Variants in SSR1 observed in about 807,000 individuals in gnomAD.
SSR1 encodes signal sequence receptor subunit 1.
A neutral mutation model predicts 36.1 loss-of-function variants in SSR1; 13 were observed. The observed-to-expected ratio is 0.36, with a 90% confidence interval of 0.23 to 0.57. The LOEUF (loss-of-function observed/expected upper bound fraction) is 0.57. Among genes scored for constraint, SSR1 ranks in the 20% least tolerant of loss-of-function variants. The pLI is 0.81. For missense variants in SSR1, 291 were observed against 338.5 expected (o/e 0.86, Z 1.10); for synonymous variants, 113 against 118.9 (o/e 0.95, Z 0.32).
At chr6:7,296,345 C>T (rs1757793922) in intron 6 of SSR1, among the ~76,000 whole-genome samples, 1 of 152,106 alleles carries the variant, frequency 6.6e-6, no homozygotes, top group African/African-American at 2.4e-5. Context: ...AATGGAGATG[C>T]AGTTATACCT....
intron 3 of SSR1, 85 bp downstream of exon 3, chr6:7,303,465 C>T: frequency 3.5e-6 from 3 of 852,332 alleles, no homozygotes; most frequent in Admixed American, 2.3e-5. Context: ...TATTACTTTA[C>T]AGATATGGGT....
In SSR1 at chr6:7,313,167, C is replaced by A; in HGVS notation, c.-47G>T. ...AGTTTCCGTCGGCTAAGGCTCTCGG[C>A]GGCTCCGGCGGTAATGGCGTTACTC... On this transcript the variant is annotated 5_prime_UTR_variant, in exon 1 of 8. Transcript: ENST00000244763. The A allele has an allele frequency of 6.5e-7, 1 of 1,533,664 alleles. No homozygotes were observed. The highest frequency in any genetic ancestry group is 8.8e-7 in the Non-Finnish European group (1 of 1,131,818).
chr6:7,302,474 C>T (rs536359556), intron 3 of SSR1, among the ~76,000 whole-genome samples: 1 of 152,268 alleles, frequency 6.6e-6, no homozygotes, highest in African/African-American at 2.4e-5. Flanking sequence ...TTTAATAAAA[C>T]CTAGGCACTG....
In SSR1 at chr6:7,310,650, C is replaced by A. The variant is rs555872319; in HGVS notation, c.80-621G>T. 3.9e-5 allele frequency among the ~76,000 whole-genome samples: 6 copies of A among 152,330 alleles called. No individual in the cohort carries two copies. The South Asian group carries it at 1.2e-3, about 32-fold the overall frequency. On this transcript the variant is annotated intron_variant, in intron 1 of 7. Transcript: ENST00000244763. The stretch of plus-strand genomic sequence containing the variant: ...TTCTTGGCCGGCGCGGTGGCTCACG[C>A]CTGTAATCCCAGCACTTTAGAAGGC...
At chr6:7,309,275 T>G (rs138038641) in intron 2 of SSR1, among the ~76,000 whole-genome samples, 1 of 152,048 alleles carries the variant, frequency 6.6e-6, no homozygotes, top group African/African-American at 2.4e-5. Flanking sequence ...CTGGGCAACA[T>G]AGCAAGACCC....
At position 7,285,908 on chromosome 6, in the gene SSR1, A is replaced by G. The variant is rs1457392115; in HGVS notation, c.*3956T>C. On this transcript the variant is annotated 3_prime_UTR_variant, in exon 8 of 8. Transcript: ENST00000244763. This position sits in a 1 kb window ranked among gnomAD's most constrained non-coding sequence, Gnocchi z 4.1. ...GGAGACATTTAAAGGTATGTCATTAACAGAAATTTAAAAGGGTATTGTGGG... is the reference window on the plus strand; with the variant it reads ...GGAGACATTTAAAGGTATGTCATTAGCAGAAATTTAAAAGGGTATTGTGGG... 6.6e-6 allele frequency: 1 copy of G among 152,218 alleles called. No homozygotes were observed. Among genetic ancestry groups the G allele is most frequent in the African/African-American group, 2.4e-5 (1 of 41,456 alleles). The allele number at this position is 152,218 out of a possible 1,614,324, so 9.4% of individuals were successfully genotyped here.
chr6:7,302,008 G>T (rs904294100), intron 3 of SSR1, among the ~76,000 whole-genome samples: 1 of 152,114 alleles, frequency 6.6e-6, no homozygotes, highest in East Asian at 1.9e-4. Context: ...CTGTTAGAAC[G>T]TAAAAATTAA....
Position 7,313,189 on chromosome 6 carries a change from A to T in SSR1, c.-69T>A. The T allele has an allele frequency of 2.1e-6, 3 of 1,432,460 alleles. No individual in the cohort carries two copies. The highest frequency in any genetic ancestry group is 2.8e-6 in the Non-Finnish European group (3 of 1,057,576). The allele number at this position is 1,432,460 out of a possible 1,614,324, so 88.7% of individuals were successfully genotyped here. On this transcript the variant is annotated 5_prime_UTR_variant, in exon 1 of 8. Transcript: ENST00000244763. ...CGGCGGCTCCGGCGGTAATGGCGTT[A>T]CTCTTCATCCGGGCTCCGGGCAGCG...
At chr6:7,310,063 T>G (rs1469159683) in intron 1 of SSR1, 34 bp from the exon 2 acceptor site, 1 of 1,555,972 alleles carries the variant, frequency 6.4e-7, no homozygotes, top group South Asian at 1.1e-5. Context: ...CAGTTACCCT[T>G]TACTCTGAAA....
rs1757459926 is a variant in SSR1, at chr6:7,282,907, A to G, written c.*6957T>C. On this transcript the variant is annotated 3_prime_UTR_variant, in exon 8 of 8. Transcript: ENST00000244763. ...GGCCTTAAAATGCATTCACTCTAAT[A>G]AACTGCTCTGTAGAATTCAAGGGAA... The G allele has an allele frequency of 6.6e-6, 1 of 152,222 alleles. No homozygotes were observed. The highest frequency in any genetic ancestry group is 2.1e-4 in the South Asian group (1 of 4,834). 9.4% of individuals were successfully genotyped at this position (152,222 alleles called of 1,614,324 possible). A position where few individuals can be genotyped will look rare whatever the true frequency, so the allele number is the denominator to read the frequency against.
intron 2 of SSR1, among the ~76,000 whole-genome samples, chr6:7,308,317 G>A (rs1758115232): frequency 6.6e-6 from 1 of 152,056 alleles, no homozygotes; most frequent in Admixed American, 6.5e-5. Flanking sequence ...CAACAGATTT[G>A]CTTAGTTGGA....
rs560062502 is a variant in SSR1 at position 7,295,584 on chromosome 6, G to A, written c.700-99C>T. 65 of 828,472 alleles carry A rather than the reference G, an allele frequency of 7.8e-5. No homozygotes were observed. In the African/African-American group the frequency reaches 1.0e-3, roughly 13 times the overall value. The allele number at this position is 828,472 out of a possible 1,614,324, so 51.3% of individuals were successfully genotyped here. ...GAGGTCTTGCTATGTTGCCCAGGCT[G>A]CCTGGAACTCCTGGGCTCAAGCAAT... On this transcript the variant is annotated intron_variant, in intron 6 of 7. Coordinates refer to ENST00000244763, the MANE Select transcript of SSR1 (RefSeq NM_003144.5).
At chr6:7,296,654 G>C (rs1288000198) in intron 6 of SSR1, among the ~76,000 whole-genome samples, 1 of 139,194 alleles carries the variant, frequency 7.2e-6, no homozygotes, top group Non-Finnish European at 1.5e-5. Context: ...TGGAGGGAAG[G>C]AAAGGAGGAG....
Position 7,282,512 on chromosome 6 carries a change from A to C in SSR1, c.*7352T>G, listed in dbSNP as rs754183444. 1 of 152,294 alleles carries C rather than the reference A, an allele frequency of 6.6e-6. No individual in the cohort carries two copies. Among genetic ancestry groups the C allele is most frequent in the East Asian group, 1.9e-4 (1 of 5,196 alleles). The allele number at this position is 152,294 out of a possible 1,614,324, so 9.4% of individuals were successfully genotyped here. A position where few individuals can be genotyped will look rare whatever the true frequency, so the allele number is the denominator to read the frequency against. ...CTGCAAAGTCCTCGCTGTAGAGAGA[A>C]GACCATAGATGCACACAGACGGGGT... On this transcript the variant is annotated 3_prime_UTR_variant, in exon 8 of 8. Transcript: ENST00000244763.
chr6:7,302,288 T>C (rs892581086), intron 3 of SSR1, among the ~76,000 whole-genome samples: 17 of 152,358 alleles, frequency 1.1e-4, no homozygotes, highest in African/African-American at 4.1e-4. Flanking sequence ...GGCCAACAGA[T>C]CTAGGTCTGG....
chr6:7,307,213 C>A (rs920121594), intron 2 of SSR1, among the ~76,000 whole-genome samples: 1 of 151,740 alleles, frequency 6.6e-6, no homozygotes, highest in Non-Finnish European at 1.5e-5. Flanking sequence ...TCTGTAGCAG[C>A]CTTGCCTTTG....
At chr6:7,312,069 TC>T (rs1353580784) in intron 1 of SSR1, among the ~76,000 whole-genome samples, 6 of 152,202 alleles carry the variant, frequency 3.9e-5, no homozygotes, top group African/African-American at 1.4e-4. Flanking sequence ...TGAATACCTG[TC>T]ACTACCGTTA....
At chr6:7,292,654 G>A (rs1405242831) in intron 7 of SSR1, among the ~76,000 whole-genome samples, 1 of 152,088 alleles carries the variant, frequency 6.6e-6, no homozygotes, top group East Asian at 1.9e-4. Context: ...TCCAGTAGCT[G>A]AGACTACATG....
At chr6:7,294,756 CT>C (rs1463256323) in intron 7 of SSR1, among the ~76,000 whole-genome samples, 4 of 151,916 alleles carry the variant, frequency 2.6e-5, no homozygotes, top group African/African-American at 9.7e-5. Context: ...ATTTTTTTCA[CT>C]TCTGTACTAT....
Sources: gnomAD v4.1 joint callset for allele counts (sites outside exome capture counted in the v4.1 genomes callset) on GRCh38, gnomAD v4.1.1 for gene constraint, Gnocchi (gnomAD v3.1) non-coding constraint, MANE v1.5 for transcripts, NCBI Gene and HGNC (gene_info 2026-07-23, HGNC 2026-07-21) for gene names.